The following FRMPD4 variants were observed in gnomAD, a reference collection of about 807,000 sequenced individuals.
FRMPD4 encodes the protein FERM and PDZ domain-containing protein 4.
FRMPD4 carries 22 observed loss-of-function variants against 94.1 expected under a neutral mutation model. That is an observed-to-expected ratio of 0.23 (90% CI 0.17 to 0.33). The LOEUF (loss-of-function observed/expected upper bound fraction) is 0.33, where lower values mean the gene tolerates loss of function less well. FRMPD4 is among the 10% of genes least tolerant of loss of function. The pLI, the probability that FRMPD4 is intolerant of heterozygous loss-of-function variation, is 1.00. For missense variants in FRMPD4, 1,111 were observed against 1,339.9 expected (o/e 0.83, Z 2.67); for synonymous variants, 631 against 548.6 (o/e 1.15, Z -2.10).
intron 3 of FRMPD4, among the ~76,000 whole-genome samples, chrX:11,933,705 C>T (rs4830457): frequency 9.0e-6 from 1 of 110,998 alleles, no homozygotes; most frequent in Admixed American, 9.6e-5. Context: ...GGATTGAAAC[C>T]GAGTTTCCAA....
chrX:12,047,966 T>G (rs2054795339), intron 3 of FRMPD4, among the ~76,000 whole-genome samples: 1 of 112,875 alleles, frequency 8.9e-6, no homozygotes, highest in African/African-American at 3.2e-5. Context: ...AACATGTGAG[T>G]GCATTTGTCT....
intron 4 of FRMPD4, among the ~76,000 whole-genome samples, chrX:12,659,915 C>A (rs1005679703): frequency 8.9e-6 from 1 of 111,989 alleles, no homozygotes; most frequent in African/African-American, 3.2e-5. Flanking sequence ...CAAATTAACT[C>A]TCTTAGCAGT....
intron 1 of FRMPD4, among the ~76,000 whole-genome samples, chrX:12,248,488 T>C (rs2053986712): frequency 8.9e-6 from 1 of 112,433 alleles, no homozygotes; most frequent in African/African-American, 3.2e-5. Flanking sequence ...CTTAGGGAAA[T>C]GTTAAGGGAT....
chrX:11,986,351 G>A (rs1163491603), intron 3 of FRMPD4, among the ~76,000 whole-genome samples: 1 of 111,747 alleles, frequency 8.9e-6, no homozygotes, highest in Admixed American at 9.5e-5. Context: ...AAATTAAGAA[G>A]GAAATTGAAA....
At chrX:12,232,424 C>T (rs1016144113) in intron 1 of FRMPD4, among the ~76,000 whole-genome samples, 6 of 110,926 alleles carry the variant, frequency 5.4e-5, no homozygotes, top group African/African-American at 2.0e-4. Flanking sequence ...CTTGTAAAAC[C>T]ATTAGATCTC....
At position 12,391,400 on chromosome X, in the gene FRMPD4, G is replaced by A. The variant is rs997610095; in HGVS notation, c.42-107280G>A. ...ATGCACTGCACTTTCAGAACTCATC[G>A]GCTTTCAGTGATGACTGTAAGCAAA... On this transcript the variant is annotated intron_variant, in intron 1 of 16. Coordinates refer to ENST00000675598, the MANE Select transcript of FRMPD4 (RefSeq NM_001368397.1). Among the ~76,000 whole-genome samples the A allele has an allele frequency of 2.7e-5, 3 of 112,037 alleles. No homozygotes were observed. The Admixed American group carries it at 2.8e-4, about 11-fold the overall frequency.
intron 1 of FRMPD4, among the ~76,000 whole-genome samples, chrX:12,414,026 G>A (rs1442392866): frequency 2.7e-5 from 3 of 112,767 alleles, no homozygotes; most frequent in Non-Finnish European, 5.6e-5. Flanking sequence ...TGTTAAACCA[G>A]TGTTGGTCTG....
At chrX:12,701,608 A>G (rs1386514592) in intron 9 of FRMPD4, among the ~76,000 whole-genome samples, 2 of 111,944 alleles carry the variant, frequency 1.8e-5, no homozygotes, top group African/African-American at 6.5e-5. Context: ...TCATACCTAA[A>G]TTCCTAATTG....
At chrX:11,851,874 G>A (rs763849999) in intron 1 of FRMPD4, among the ~76,000 whole-genome samples, 1 of 106,604 alleles carries the variant, frequency 9.4e-6, no homozygotes. Context: ...AGAAATTTTT[G>A]AGAATGGTTA....
At chrX:12,669,487 AGCTTTCTGG>A (rs112887130) in intron 4 of FRMPD4, among the ~76,000 whole-genome samples, 38,029 of 110,219 alleles carry the variant, frequency 0.35, 5,211 homozygotes, top group Non-Finnish European at 0.41. Flanking sequence ...TTAAGCAACT[AGCTTTCTGG>A]GCTTTCTGGG....
At chrX:11,866,549 G>A (rs748849273) in intron 2 of FRMPD4, among the ~76,000 whole-genome samples, 2 of 111,089 alleles carry the variant, frequency 1.8e-5, no homozygotes, top group Non-Finnish European at 3.8e-5. Context: ...ATATCACCTC[G>A]GTAAGAGAAA....
At chrX:12,709,184 G>T (rs1471665787) in intron 13 of FRMPD4, among the ~76,000 whole-genome samples, 1 of 111,820 alleles carries the variant, frequency 8.9e-6, no homozygotes, top group African/African-American at 3.3e-5. Flanking sequence ...AACTGAAGTG[G>T]AAGGAAAGGC....
At chrX:12,603,119 C>A (rs1394921317) in intron 2 of FRMPD4, among the ~76,000 whole-genome samples, 1 of 111,681 alleles carries the variant, frequency 9.0e-6, no homozygotes, top group Non-Finnish European at 1.9e-5. Flanking sequence ...AAACCTAACA[C>A]CAACGATGAC....
chrX:12,021,687 T>C (rs746906992), intron 3 of FRMPD4, among the ~76,000 whole-genome samples: 16 of 111,636 alleles, frequency 1.4e-4, no homozygotes, highest in Non-Finnish European at 2.3e-4. Flanking sequence ...ACTCATCTAG[T>C]GTTAAATTTT....
intron 1 of FRMPD4, among the ~76,000 whole-genome samples, chrX:12,163,690 T>C (rs143440639): frequency 0.025 from 2,772 of 112,265 alleles, 88 homozygotes; most frequent in African/African-American, 0.084. Flanking sequence ...CAGCATGTGC[T>C]GATTGTTGGA....
chrX:11,837,174 T>A (rs1333097010), intron 1 of FRMPD4, among the ~76,000 whole-genome samples: 1 of 110,387 alleles, frequency 9.1e-6, no homozygotes, highest in Non-Finnish European at 1.9e-5. Context: ...GCCATGGCCA[T>A]GTGGGACTGA....
chrX:12,470,686 A>G (rs777044237), intron 1 of FRMPD4, among the ~76,000 whole-genome samples: 1 of 112,040 alleles, frequency 8.9e-6, no homozygotes, highest in Non-Finnish European at 1.9e-5. Flanking sequence ...ATAAGATAGA[A>G]AATTCTCTCC....
intron 1 of FRMPD4, among the ~76,000 whole-genome samples, chrX:11,860,637 A>AAT (rs1447763986): frequency 8.9e-6 from 1 of 112,259 alleles, no homozygotes; most frequent in Non-Finnish European, 1.9e-5. Context: ...TGATATTTAA[A>AAT]ATAGGTGAAT....
At chrX:12,439,356 T>C (rs962032675) in intron 1 of FRMPD4, among the ~76,000 whole-genome samples, 4 of 111,761 alleles carry the variant, frequency 3.6e-5, no homozygotes, top group African/African-American at 1.3e-4. Context: ...CGTGAAATGA[T>C]GGCAGACTAA....
Sources: allele counts gnomAD v4.1 joint callset (sites outside exome capture counted in the v4.1 genomes callset), GRCh38; gene constraint gnomAD v4.1.1; transcripts MANE v1.5; gene names NCBI Gene and HGNC (gene_info 2026-07-23, HGNC 2026-07-21).